PID1: variants seen among roughly 807,000 people sequenced by gnomAD.
PID1 encodes PTB-containing, cubilin and LRP1-interacting protein.
Under a neutral mutation model 19.1 loss-of-function variants are expected in PID1, and 10 were observed. The observed-to-expected ratio is 0.52, with a 90% confidence interval of 0.32 to 0.89. The LOEUF (loss-of-function observed/expected upper bound fraction) is 0.89, where lower values mean the gene tolerates loss of function less well. Among genes scored for constraint, PID1 ranks in the 40% least tolerant of loss-of-function variants. The pLI is 0.03. For missense variants in PID1, 248 were observed against 285.3 expected (o/e 0.87, Z 0.94); for synonymous variants, 130 against 116.0 (o/e 1.12, Z -0.78).
intron 2 of PID1, among the ~76,000 whole-genome samples, chr2:229,141,444 G>A (rs966344572): frequency 3.3e-5 from 5 of 152,162 alleles, no homozygotes; most frequent in African/African-American, 1.2e-4. Context: ...GACTCTGAAT[G>A]AGCTGTCTGG....
chr2:229,141,378 A>G (rs1690007770), intron 2 of PID1, among the ~76,000 whole-genome samples: 1 of 152,114 alleles, frequency 6.6e-6, no homozygotes, highest in South Asian at 2.1e-4. Context: ...AATCTCTGGA[A>G]GGAGAATAAA....
At chr2:229,157,440 A>AG (rs1690397846) in intron 1 of PID1, among the ~76,000 whole-genome samples, 1 of 151,946 alleles carries the variant, frequency 6.6e-6, no homozygotes, top group African/African-American at 2.4e-5. Flanking sequence ...CAAAAAAAAA[A>AG]AAAAAGTCTT....
intron 2 of PID1, among the ~76,000 whole-genome samples, chr2:229,042,647 C>T (rs549171339): frequency 2.0e-5 from 3 of 152,136 alleles, no homozygotes; most frequent in Non-Finnish European, 4.4e-5. Flanking sequence ...AAAAATAGTA[C>T]CTTTGGCAAT....
chr2:229,261,739 G>C (rs115642635), intron 1 of PID1, among the ~76,000 whole-genome samples: 3,991 of 152,272 alleles, frequency 0.026, 85 homozygotes, highest in Non-Finnish European at 0.043. Context: ...AGACCAGAAT[G>C]ACTCTTCACT....
At chr2:229,244,355 T>C (rs970775593) in intron 1 of PID1, among the ~76,000 whole-genome samples, 4 of 152,098 alleles carry the variant, frequency 2.6e-5, no homozygotes, top group African/African-American at 9.7e-5. Flanking sequence ...TCCAAACAAC[T>C]GCAACCAGCT....
At chr2:229,086,855 A>G (rs1383577359) in intron 2 of PID1, among the ~76,000 whole-genome samples, 1 of 151,936 alleles carries the variant, frequency 6.6e-6, no homozygotes, top group Non-Finnish European at 1.5e-5. Context: ...GAGCATCCGC[A>G]TGCACATAAT....
intron 1 of PID1, among the ~76,000 whole-genome samples, chr2:229,213,365 A>G (rs1027564321): frequency 6.6e-6 from 1 of 152,128 alleles, no homozygotes; most frequent in Non-Finnish European, 1.5e-5. Flanking sequence ...TTTGAGTGTC[A>G]TTTCTTTCAA....
At chr2:229,073,484 T>C (rs1238640344) in intron 2 of PID1, among the ~76,000 whole-genome samples, 2 of 152,202 alleles carry the variant, frequency 1.3e-5, no homozygotes, top group East Asian at 3.9e-4. Context: ...TCTAGAGGAG[T>C]TGGGAGAAAA....
intron 2 of PID1, among the ~76,000 whole-genome samples, chr2:229,097,529 A>G (rs895047700): frequency 2.0e-5 from 3 of 152,146 alleles, no homozygotes; most frequent in Non-Finnish European, 4.4e-5. Context: ...GATATTATAT[A>G]AGCCCTATAG....
rs926405524 is a variant in PID1 at position 229,096,672 on chromosome 2, A to G, written c.177+59146T>C. Reference sequence around the variant, plus strand: ...AAAGAGGATCAGACAGATAACATCAAAAGCACCAGGGTCCTACATACTCAG... The same window carrying G: ...AAAGAGGATCAGACAGATAACATCAGAAGCACCAGGGTCCTACATACTCAG... On this transcript the variant is annotated intron_variant, in intron 2 of 2. Transcript: ENST00000392055. Among the ~76,000 whole-genome samples, 176 of 152,194 alleles carry G rather than the reference A, an allele frequency of 1.2e-3. 1 individual carries two copies. The highest frequency in any genetic ancestry group is 8.8e-5 in the Non-Finnish European group (6 of 68,022).
intron 2 of PID1, among the ~76,000 whole-genome samples, chr2:229,114,513 G>T (rs1236874811): frequency 6.6e-6 from 1 of 151,990 alleles, no homozygotes; most frequent in Non-Finnish European, 1.5e-5. Context: ...TGGCAGGCAG[G>T]TCCTTCACAA....
At chr2:229,185,793 C>A (rs935055563) in intron 1 of PID1, among the ~76,000 whole-genome samples, 35 of 152,264 alleles carry the variant, frequency 2.3e-4, no homozygotes, top group African/African-American at 7.9e-4. Context: ...GGGGACATAG[C>A]CAAATCATAT....
At chr2:229,265,275 T>C (rs1486513326) in intron 1 of PID1, among the ~76,000 whole-genome samples, 2 of 152,206 alleles carry the variant, frequency 1.3e-5, no homozygotes, top group African/African-American at 4.8e-5. Context: ...CCATCAGGCA[T>C]GGGAAAGAAG....
At chr2:229,209,446 C>T (rs191256861) in intron 1 of PID1, among the ~76,000 whole-genome samples, 24 of 152,312 alleles carry the variant, frequency 1.6e-4, no homozygotes, top group African/African-American at 5.8e-4. Context: ...AAGGAAGTAG[C>T]TGTGCCTCCT....
intron 2 of PID1, among the ~76,000 whole-genome samples, chr2:229,136,117 A>G (rs1251109808): frequency 3.9e-5 from 6 of 152,186 alleles, no homozygotes; most frequent in African/African-American, 9.6e-5. Context: ...ATGAAAGCCA[A>G]CTGCCACGTT....
intron 1 of PID1, among the ~76,000 whole-genome samples, chr2:229,227,770 G>A (rs1260012488): frequency 6.6e-6 from 1 of 152,068 alleles, no homozygotes; most frequent in Admixed American, 6.6e-5. Flanking sequence ...AAAGTACTGG[G>A]GAAAAAATTG....
chr2:229,120,142 T>C (rs992975991), intron 2 of PID1, among the ~76,000 whole-genome samples: 3 of 152,100 alleles, frequency 2.0e-5, no homozygotes, highest in African/African-American at 7.2e-5. Flanking sequence ...TTACAAGGTA[T>C]TGCCTATACA....
chr2:229,127,947 C>T (rs904219082), intron 2 of PID1, among the ~76,000 whole-genome samples: 4 of 152,194 alleles, frequency 2.6e-5, no homozygotes, highest in Admixed American at 2.6e-4. Flanking sequence ...TGTCCAGCCA[C>T]CATGCAGCTC....
chr2:229,049,086 G>T (rs1190603499), intron 2 of PID1, among the ~76,000 whole-genome samples: 1 of 152,068 alleles, frequency 6.6e-6, no homozygotes, highest in East Asian at 1.9e-4. Flanking sequence ...TTAAGATTTT[G>T]ATGTATATAT....
Sources: gnomAD v4.1 joint callset for allele counts (sites outside exome capture counted in the v4.1 genomes callset) on GRCh38, gnomAD v4.1.1 for gene constraint, MANE v1.5 for transcripts, NCBI Gene and HGNC (gene_info 2026-07-23, HGNC 2026-07-21) for gene names.